The following EXOC4 variants were observed in gnomAD, a reference collection of about 807,000 sequenced individuals.
EXOC4 encodes exocyst complex component 4.
Under a neutral mutation model 107.2 loss-of-function variants are expected in EXOC4, and 71 were observed. That is an observed-to-expected ratio of 0.66 (90% CI 0.55 to 0.81). EXOC4 has a LOEUF of 0.81. Among genes scored for constraint, EXOC4 ranks in the 30% least tolerant of loss-of-function variants. The pLI, the probability that EXOC4 is intolerant of heterozygous loss-of-function variation, is 0.00. For missense variants in EXOC4, 1,108 were observed against 1,189.6 expected (o/e 0.93, Z 1.01); for synonymous variants, 456 against 441.2 (o/e 1.03, Z -0.42).
intron 9 of EXOC4, among the ~76,000 whole-genome samples, chr7:133,581,365 G>A (rs1043404351): frequency 2.0e-5 from 3 of 152,266 alleles, no homozygotes; most frequent in South Asian, 2.1e-4. Context: ...TGCTTGCCAC[G>A]GGTGTACAGA....
chr7:134,032,164 C>T (rs1413452696), intron 17 of EXOC4, among the ~76,000 whole-genome samples: 3 of 152,180 alleles, frequency 2.0e-5, no homozygotes, highest in Non-Finnish European at 4.4e-5. Flanking sequence ...GGCATCTTAA[C>T]GCATACTGAA....
intron 10 of EXOC4, among the ~76,000 whole-genome samples, chr7:133,654,622 T>C (rs2151038602): frequency 6.6e-6 from 1 of 152,272 alleles, no homozygotes; most frequent in African/African-American, 2.4e-5. Context: ...TTCCCTCTTA[T>C]CTCAGTACTG....
At chr7:133,980,537 T>G (rs958605724) in intron 14 of EXOC4, among the ~76,000 whole-genome samples, 5 of 152,236 alleles carry the variant, frequency 3.3e-5, no homozygotes, top group African/African-American at 1.2e-4. Context: ...AACTACTACT[T>G]TCTGGGCCAA....
intron 10 of EXOC4, among the ~76,000 whole-genome samples, chr7:133,757,133 T>A (rs1795935394): frequency 6.6e-6 from 1 of 152,222 alleles, no homozygotes; most frequent in African/African-American, 2.4e-5. Flanking sequence ...GCTGTCTTAA[T>A]ACCGAAGATG....
intron 7 of EXOC4, among the ~76,000 whole-genome samples, chr7:133,418,868 C>G (rs774503582): frequency 6.6e-6 from 1 of 152,072 alleles, no homozygotes; most frequent in African/African-American, 2.4e-5. Context: ...TTAGATAAAG[C>G]CTTTGTATAC....
At chr7:133,413,124 C>T (rs1797400322) in intron 7 of EXOC4, among the ~76,000 whole-genome samples, 2 of 152,076 alleles carry the variant, frequency 1.3e-5, no homozygotes, top group South Asian at 4.1e-4. Context: ...AGTTCTGGTT[C>T]AGTACCAATT....
intron 9 of EXOC4, among the ~76,000 whole-genome samples, chr7:133,627,358 G>T (rs1236030890): frequency 6.6e-6 from 1 of 152,142 alleles, no homozygotes; most frequent in South Asian, 2.1e-4. Flanking sequence ...GGTTAGTCAG[G>T]TCTGAATTTA....
At chr7:133,709,905 C>T (rs1794849282) in intron 10 of EXOC4, among the ~76,000 whole-genome samples, 1 of 152,074 alleles carries the variant, frequency 6.6e-6, no homozygotes, top group Non-Finnish European at 1.5e-5. Context: ...AGCTAGACTG[C>T]TATTACTGTG....
At position 133,288,845 on chromosome 7, in the gene EXOC4, G is replaced by A; in HGVS notation, c.277-77G>A. 3 of 1,221,290 alleles carry A rather than the reference G, an allele frequency of 2.5e-6. 1 individual carries two copies. The highest frequency in any genetic ancestry group is 2.7e-5 in the South Asian group (2 of 73,658). 75.7% of individuals were successfully genotyped at this position (1,221,290 alleles called of 1,614,324 possible). On this transcript the variant is annotated intron_variant, in intron 2 of 17. Coordinates refer to ENST00000253861, the MANE Select transcript of EXOC4 (RefSeq NM_021807.4). ...AACTGCTGCATACAGTAGTACCAGT[G>A]AAGACTACTAACCAGATTATAGGTT... is the stretch of plus-strand genomic sequence containing the variant.
chr7:133,839,217 CTTGTATAT>C (rs1797977211), intron 11 of EXOC4, among the ~76,000 whole-genome samples: 1 of 151,874 alleles, frequency 6.6e-6, no homozygotes, highest in Non-Finnish European at 1.5e-5. Flanking sequence ...GTCGTTTATA[CTTGTATAT>C]TGCTGTGTGC....
At chr7:133,534,213 A>T (rs548865351) in intron 9 of EXOC4, among the ~76,000 whole-genome samples, 13 of 152,090 alleles carry the variant, frequency 8.5e-5, no homozygotes, top group Non-Finnish European at 1.8e-4. Flanking sequence ...TTAGTGTAGG[A>T]TTTGATTAAT....
chr7:133,451,906 A>C (rs1477633546), intron 7 of EXOC4, among the ~76,000 whole-genome samples: 1 of 152,226 alleles, frequency 6.6e-6, no homozygotes, highest in African/African-American at 2.4e-5. Flanking sequence ...CAGGATAATT[A>C]CAGAGAAACC....
At chr7:133,521,871 G>A (rs572507037) in intron 9 of EXOC4, among the ~76,000 whole-genome samples, 1 of 151,886 alleles carries the variant, frequency 6.6e-6, no homozygotes, top group Non-Finnish European at 1.5e-5. Flanking sequence ...CGCCTGCCTC[G>A]GTCTCCCAAA....
intron 7 of EXOC4, among the ~76,000 whole-genome samples, chr7:133,420,761 G>T (rs1422718087): frequency 6.6e-6 from 1 of 151,944 alleles, no homozygotes; most frequent in Non-Finnish European, 1.5e-5. Context: ...TTGATTTAGA[G>T]GGAGAAGAAA....
chr7:133,304,649 TA>T (rs1002476663), intron 3 of EXOC4, among the ~76,000 whole-genome samples: 8 of 152,220 alleles, frequency 5.3e-5, no homozygotes, highest in African/African-American at 1.7e-4. Context: ...CACAGACTCC[TA>T]GATGACTCCT....
chr7:133,791,794 T>C lies in EXOC4; in HGVS notation c.1515-25531T>C, dbSNP rs555208079. Among the ~76,000 whole-genome samples the C allele has an allele frequency of 3.9e-5, 6 of 152,322 alleles. No individual in the cohort carries two copies. The South Asian group carries it at 6.2e-4, about 16-fold the overall frequency. ...GGTCTTCCCACCACAAACTATGTTA[T>C]TGAAAATAGATCAGGTTCCTTTAGA... On this transcript the variant is annotated intron_variant, in intron 10 of 17. Coordinates refer to ENST00000253861, the MANE Select transcript of EXOC4 (RefSeq NM_021807.4).
At chr7:133,902,137 A>G (rs1255359840) in intron 12 of EXOC4, among the ~76,000 whole-genome samples, 2 of 152,232 alleles carry the variant, frequency 1.3e-5, no homozygotes, top group Non-Finnish European at 2.9e-5. Flanking sequence ...CTACAATTCC[A>G]AATTCACCTC....
At chr7:133,463,782 G>A (rs1798651370) in intron 7 of EXOC4, among the ~76,000 whole-genome samples, 1 of 152,086 alleles carries the variant, frequency 6.6e-6, no homozygotes, top group Non-Finnish European at 1.5e-5. Flanking sequence ...GATCTTTATT[G>A]TAGCGCAAAG....
At chr7:133,863,015 A>G (rs1798567288) in intron 11 of EXOC4, among the ~76,000 whole-genome samples, 1 of 152,192 alleles carries the variant, frequency 6.6e-6, no homozygotes, top group African/African-American at 2.4e-5. Context: ...AAAAGCTATA[A>G]TGATAACTAT....
Sources: gnomAD v4.1 joint callset for allele counts (sites outside exome capture counted in the v4.1 genomes callset) on GRCh38, gnomAD v4.1.1 for gene constraint, MANE v1.5 for transcripts, NCBI Gene and HGNC (gene_info 2026-07-23, HGNC 2026-07-21) for gene names.